Variants in MBTD1 observed in about 807,000 individuals in gnomAD.
MBTD1 encodes MBT domain-containing protein 1.
MBTD1 carries 24 observed loss-of-function variants against 87.8 expected under a neutral mutation model. That is an observed-to-expected ratio of 0.27 (90% CI 0.20 to 0.38). MBTD1 has a LOEUF of 0.38. Ranked by LOEUF, MBTD1 falls within the 10% of genes least tolerant of loss-of-function variation. The probability of loss-of-function intolerance (pLI) is 1.00; values close to 1 mark genes in which losing one functional copy is unlikely to be tolerated. For synonymous variants in MBTD1, 237 were observed against 248.6 expected, an observed-to-expected ratio of 0.95 and a Z score of 0.44; for missense variants, 436 against 760.2, an observed-to-expected ratio of 0.57 and a Z score of 5.02.
chr17:51,239,998 AT>A (rs1361760497), intron 2 of MBTD1, among the ~76,000 whole-genome samples: 1 of 152,086 alleles, frequency 6.6e-6, no homozygotes, highest in African/African-American at 2.4e-5. Context: ...CATATATTTC[AT>A]TTGTCATGTG....
intron 2 of MBTD1, among the ~76,000 whole-genome samples, chr17:51,230,645 A>G (rs1423312632): frequency 6.6e-6 from 1 of 152,180 alleles, no homozygotes; most frequent in Admixed American, 6.5e-5. Context: ...TTCTAGGCAA[A>G]GGGAAGTGCA....
chr17:51,245,730 A>G (rs2054398476), intron 2 of MBTD1, among the ~76,000 whole-genome samples: 1 of 152,020 alleles, frequency 6.6e-6, no homozygotes, highest in African/African-American at 2.4e-5. Flanking sequence ...TCTTGTGCCA[A>G]TGTCTTGCTT....
chr17:51,184,824 A>G (rs1352901537), intron 16 of MBTD1: 2 of 152,206 alleles, frequency 1.3e-5, no homozygotes, highest in Admixed American at 1.3e-4. Context: ...AAAAAGAAAA[A>G]AACTTAGACA....
At chr17:51,219,074 T>A in intron 4 of MBTD1, 30 bp from the exon 5 acceptor site, 1 of 1,157,804 alleles carries the variant, frequency 8.6e-7, no homozygotes, top group Non-Finnish European at 1.3e-6. Context: ...GTAAATAGGA[T>A]TCTTTTTCAT....
intron 6 of MBTD1, 56 bp from the exon 7 acceptor site, chr17:51,207,061 T>A (rs997268924): frequency 1.1e-6 from 1 of 923,032 alleles, no homozygotes; most frequent in Non-Finnish European, 1.7e-6. Flanking sequence ...CTAAAACATA[T>A]CAATGAAAAT....
chr17:51,215,983 G>A (rs1034444146), intron 6 of MBTD1, among the ~76,000 whole-genome samples: 2 of 143,704 alleles, frequency 1.4e-5, no homozygotes, highest in African/African-American at 5.3e-5. Context: ...CCAGGCTGGA[G>A]TGCAGTGGCG....
chr17:51,179,218 A>G lies in MBTD1; in HGVS notation c.*1358T>C, dbSNP rs1017688930. On this transcript the variant is annotated 3_prime_UTR_variant, in exon 17 of 17. Transcript: ENST00000586178. ...ATTACCACTCTGAAGAGGCCAGGCT[A>G]AGACCCAGAAGCACTTCTAGAACAG... 1 of 151,940 alleles carries G rather than the reference A, an allele frequency of 6.6e-6. No homozygotes were observed. Among genetic ancestry groups the G allele is most frequent in the Non-Finnish European group, 1.5e-5 (1 of 68,004 alleles). The allele number at this position is 151,940 out of a possible 1,614,324, so 9.4% of individuals were successfully genotyped here.
chr17:51,260,446 G>A (rs1434830110), upstream of MBTD1: 8 of 901,446 alleles, frequency 8.9e-6, no homozygotes, highest in Admixed American at 3.0e-5. Flanking sequence ...GTAGAGGGAG[G>A]GAGTGCTGGT....
At chr17:51,238,124 G>C (rs1203240877) in intron 2 of MBTD1, among the ~76,000 whole-genome samples, 1 of 152,132 alleles carries the variant, frequency 6.6e-6, no homozygotes, top group Non-Finnish European at 1.5e-5. Context: ...AGTTATAAAG[G>C]AGCATGAGGA....
rs2050215649 is a variant in MBTD1 at position 51,179,500 on chromosome 17, A to ATATATATATATT, written c.*1075_*1076insAATATATATATA. ...AAGACAATTTTATATATATATATATATATATATATATATATATATATATAT... is the reference window on the plus strand; with the variant it reads ...AAGACAATTTTATATATATATATATATATATATATATTTATATATATATATATATATATATAT... On this transcript the variant is annotated 3_prime_UTR_variant, in exon 17 of 17. Coordinates refer to ENST00000586178, the MANE Select transcript of MBTD1 (RefSeq NM_017643.3). 4 of 58,526 alleles carry ATATATATATATT rather than the reference A, an allele frequency of 6.8e-5. No homozygotes were observed. The South Asian group carries it at 1.4e-3, about 21-fold the overall frequency. The allele number at this position is 58,526 out of a possible 1,614,324, so 3.6% of individuals were successfully genotyped here.
intron 16 of MBTD1, among the ~76,000 whole-genome samples, chr17:51,181,032 T>C (rs1187433629): frequency 2.0e-5 from 3 of 150,592 alleles, no homozygotes; most frequent in African/African-American, 7.3e-5. Flanking sequence ...TTTTTTTTTT[T>C]TTTTTTTTGA....
At chr17:51,244,494 G>A (rs968048879) in intron 2 of MBTD1, among the ~76,000 whole-genome samples, 3 of 152,054 alleles carry the variant, frequency 2.0e-5, no homozygotes, top group African/African-American at 4.8e-5. Context: ...TGCAACCTCT[G>A]CCTCCCGGGT....
intron 2 of MBTD1, among the ~76,000 whole-genome samples, chr17:51,232,321 A>G (rs1175998210): frequency 1.3e-5 from 2 of 152,088 alleles, no homozygotes; most frequent in Admixed American, 6.6e-5. Flanking sequence ...ATTCCCACCA[A>G]TTTTATCAAG....
intron 2 of MBTD1, 123 bp from the exon 3 acceptor site, chr17:51,225,332 A>C: frequency 8.7e-6 from 4 of 458,274 alleles, no homozygotes; most frequent in Non-Finnish European, 1.5e-5. Context: ...AGAAATAACC[A>C]TTTTCTTTCT....
At chr17:51,225,757 G>A (rs906472563) in intron 2 of MBTD1, among the ~76,000 whole-genome samples, 7 of 149,066 alleles carry the variant, frequency 4.7e-5, no homozygotes, top group South Asian at 2.2e-4. Context: ...TGGGATGGGC[G>A]TGGTGGCTCA....
At chr17:51,206,522 A>C (rs1476809098) in intron 7 of MBTD1, among the ~76,000 whole-genome samples, 1 of 152,200 alleles carries the variant, frequency 6.6e-6, no homozygotes, top group Non-Finnish European at 1.5e-5. Flanking sequence ...TCTAAGAATT[A>C]CTTTTACATT....
At chr17:51,210,986 A>C (rs904947335) in intron 6 of MBTD1, among the ~76,000 whole-genome samples, 2 of 151,724 alleles carry the variant, frequency 1.3e-5, no homozygotes, top group Middle Eastern at 3.2e-3. Flanking sequence ...AAAACACAAA[A>C]ATTAGCCGGG....
chr17:51,214,125 T>TATACAG (rs1568187257), intron 6 of MBTD1, among the ~76,000 whole-genome samples: 1 of 102,312 alleles, frequency 9.8e-6, no homozygotes, highest in South Asian at 4.2e-4. Flanking sequence ...ATCATATATA[T>TATACAG]ATACACATAC....
chr17:51,204,977 G>A (rs1228283019), intron 7 of MBTD1, among the ~76,000 whole-genome samples: 1 of 152,152 alleles, frequency 6.6e-6, no homozygotes, highest in African/African-American at 2.4e-5. Flanking sequence ...TATGTAAAAT[G>A]AGTTAAAAAC....
Sources: gnomAD v4.1 joint callset for allele counts (sites outside exome capture counted in the v4.1 genomes callset) on GRCh38, gnomAD v4.1.1 for gene constraint, MANE v1.5 for transcripts, NCBI Gene and HGNC (gene_info 2026-07-23, HGNC 2026-07-21) for gene names.